The following KAT6A variants were observed in gnomAD, a reference collection of about 807,000 sequenced individuals.
The protein encoded by KAT6A is histone acetyltransferase KAT6A.
In KAT6A, 9 loss-of-function variants were observed where a neutral mutation model predicts 198.4. The ratio of observed to expected loss-of-function variants is 0.05; its 90% CI spans 0.03 to 0.08. The LOEUF (loss-of-function observed/expected upper bound fraction) is 0.08. KAT6A is among the 10% of genes least tolerant of loss of function. KAT6A has a pLI of 1.00. For missense variants in KAT6A, 2,077 were observed against 2,509.9 expected (o/e 0.83, Z 3.69); for synonymous variants, 890 against 883.0 (o/e 1.01, Z -0.14).
intron 6 of KAT6A, among the ~76,000 whole-genome samples, chr8:41,977,831 T>C (rs1824137257): frequency 6.6e-6 from 1 of 152,190 alleles, no homozygotes; most frequent in South Asian, 2.1e-4. Context: ...TGATTTAAGA[T>C]TTTGAATATA....
In KAT6A at chr8:41,985,704, A is replaced by G. The variant is rs182982357; in HGVS notation, c.709+1751T>C. ...GATGGGTCAGTTCTGCAGTGACCCC[A>G]GAGTCAGTCCTTAAAGCCCAACCTC... On this transcript the variant is annotated intron_variant, in intron 3 of 16. Coordinates refer to ENST00000265713, the MANE Select transcript of KAT6A (RefSeq NM_006766.5). Among the ~76,000 whole-genome samples the G allele has an allele frequency of 2.6e-5, 4 of 152,314 alleles. No homozygotes were observed. The East Asian group carries it at 7.7e-4, about 29-fold the overall frequency.
In KAT6A at chr8:41,931,322, A is replaced by G. The variant is rs1821531047; in HGVS notation, c.*883T>C. ...CAGGTGGTAAAAAAACAAGAGGTTAATCTCCTCTTTTTGATTGTTAATTGA... is the reference window on the plus strand; with the variant it reads ...CAGGTGGTAAAAAAACAAGAGGTTAGTCTCCTCTTTTTGATTGTTAATTGA... On this transcript the variant is annotated 3_prime_UTR_variant, in exon 17 of 17. Coordinates refer to ENST00000265713, the MANE Select transcript of KAT6A (RefSeq NM_006766.5). 4.6e-6 allele frequency: 1 copy of G among 218,588 alleles called. No individual in the cohort carries two copies. The highest frequency in any genetic ancestry group is 2.3e-5 in the African/African-American group (1 of 44,436). 13.5% of individuals were successfully genotyped at this position (218,588 alleles called of 1,614,324 possible).
rs1314482668 is a variant in KAT6A, at chr8:41,983,149, A to C, written c.710-1195T>G. Among the ~76,000 whole-genome samples the C allele has an allele frequency of 2.6e-5, 4 of 152,214 alleles. No homozygotes were observed. In the East Asian group the frequency reaches 7.7e-4, roughly 29 times the overall value. On this transcript the variant is annotated intron_variant, in intron 3 of 16. Transcript: ENST00000265713. ...TTATCAGTCTGATTCTCAAAAATTA[A>C]GGGTAGCCAATTTCCCCTCAACTGA...
intron 8 of KAT6A, among the ~76,000 whole-genome samples, chr8:41,964,844 C>A (rs1050092122): frequency 6.6e-6 from 1 of 152,162 alleles, no homozygotes; most frequent in Non-Finnish European, 1.5e-5. Flanking sequence ...AATGTGGTCT[C>A]TCTCAAAATA....
chr8:41,933,195 G>GGGT lies in KAT6A; in HGVS notation c.5022_5024dup (p.Pro1675dup), dbSNP rs758188280. ...GCGGCTGCTGTTGCGGCTGCTGCTG[G>GGGT]GGTGGTGGAGGCTGTGGTGCTGGTT... On this transcript the variant is annotated inframe_insertion, in exon 17 of 17. Coordinates refer to ENST00000265713, the MANE Select transcript of KAT6A (RefSeq NM_006766.5). The surrounding 1 kb of genome is among the most constrained non-coding windows in gnomAD (Gnocchi z 6.2). 4.4e-4 allele frequency: 691 copies of GGGT among 1,584,016 alleles called. 1 individual carries two copies. The highest frequency in any genetic ancestry group is 1.3e-3 in the Admixed American group (75 of 56,290).
At chr8:42,042,786 T>C (rs551103693) in intron 2 of KAT6A, among the ~76,000 whole-genome samples, 2 of 152,358 alleles carry the variant, frequency 1.3e-5, no homozygotes, top group South Asian at 2.1e-4. Context: ...CTTTTAATGA[T>C]CTGGCTGATT....
chr8:41,963,624 G>T (rs996954840), intron 8 of KAT6A, among the ~76,000 whole-genome samples: 1 of 152,082 alleles, frequency 6.6e-6, no homozygotes, highest in Non-Finnish European at 1.5e-5. Context: ...CATCTGACTG[G>T]TCCCTTGCTC....
At chr8:41,946,521 C>T in intron 12 of KAT6A, 70 bp downstream of exon 12, 4 of 764,612 alleles carry the variant, frequency 5.2e-6, no homozygotes, top group South Asian at 1.4e-5. Context: ...CACACACACA[C>T]ACACACACAC....
intron 2 of KAT6A, among the ~76,000 whole-genome samples, chr8:42,032,122 G>C (rs1827161576): frequency 6.6e-6 from 1 of 152,092 alleles, no homozygotes; most frequent in African/African-American, 2.4e-5. Context: ...GTAGAGACAG[G>C]GTTTTGCCGT....
intron 8 of KAT6A, among the ~76,000 whole-genome samples, chr8:41,968,493 G>A (rs1007897692): frequency 6.6e-6 from 1 of 152,170 alleles, no homozygotes; most frequent in Non-Finnish European, 1.5e-5. Context: ...TGGAGAGGAT[G>A]TGGAGAAATA....
intron 11 of KAT6A, among the ~76,000 whole-genome samples, chr8:41,947,234 C>T (rs1413831561): frequency 6.6e-6 from 1 of 152,188 alleles, no homozygotes; most frequent in Non-Finnish European, 1.5e-5. Flanking sequence ...AAAGCTAGTA[C>T]TTCCCCTAAC....
At position 41,955,317 on chromosome 8, in the gene KAT6A, G is replaced by A; in HGVS notation, c.1577C>T (p.Pro526Leu). 6.2e-7 allele frequency: 1 copy of A among 1,606,328 alleles called. No homozygotes were observed. The highest frequency in any genetic ancestry group is 8.5e-7 in the Non-Finnish European group (1 of 1,172,960). Reference protein sequence around the residue: ...KYEIHTWYSSPYPQEYSRLPK... With the variant: ...KYEIHTWYSSLYPQEYSRLPK... Reference sequence around the variant, plus strand: ...ATACCTTGAGTATTCTTGAGGATATGGGGAGGAGTACCAGGTGTGAATTTC... The same window carrying A: ...ATACCTTGAGTATTCTTGAGGATATAGGGAGGAGTACCAGGTGTGAATTTC... The change falls in exon 9 of 17, where the codon CCA (proline) becomes CTA (leucine). Residue 526 changes from proline (P) to leucine (L), a missense_variant. Coordinates refer to ENST00000265713, the MANE Select transcript of KAT6A (RefSeq NM_006766.5).
At chr8:41,983,288 T>C (rs573114720) in intron 3 of KAT6A, among the ~76,000 whole-genome samples, 11 of 152,184 alleles carry the variant, frequency 7.2e-5, no homozygotes, top group Non-Finnish European at 1.6e-4. Context: ...TTCTCTTTTA[T>C]GAGATAGCAA....
intron 4 of KAT6A, 26 bp from the exon 5 acceptor site, chr8:41,980,953 T>C: frequency 6.8e-7 from 1 of 1,476,126 alleles, no homozygotes; most frequent in Non-Finnish European, 9.5e-7. Flanking sequence ...AAGGACAGTT[T>C]TGCTTAACCT....
intron 9 of KAT6A, among the ~76,000 whole-genome samples, chr8:41,952,147 ATAATT>A (rs1243544977): frequency 6.6e-6 from 1 of 152,222 alleles, no homozygotes; most frequent in Non-Finnish European, 1.5e-5. Flanking sequence ...ATTTTACTCA[ATAATT>A]TAATAGCCAA....
At chr8:42,009,922 AAAC>A (rs1264662934) in intron 2 of KAT6A, among the ~76,000 whole-genome samples, 4 of 149,902 alleles carry the variant, frequency 2.7e-5, no homozygotes, top group African/African-American at 9.9e-5. Flanking sequence ...AAACAAAAAA[AAAC>A]AAAACCACAA....
chr8:42,023,495 C>CTTT (rs34548516), intron 2 of KAT6A, among the ~76,000 whole-genome samples: 2 of 149,704 alleles, frequency 1.3e-5, no homozygotes, highest in Admixed American at 1.3e-4. Context: ...AATATATTTA[C>CTTT]TTTTTTTTTT....
chr8:41,957,232 A>G, intron 8 of KAT6A: 2 of 575,036 alleles, frequency 3.5e-6, no homozygotes, highest in South Asian at 2.8e-5. Context: ...ACCCGCCTTT[A>G]ACCTTTGCAC....
At chr8:41,944,765 C>T (rs1259468742) in intron 12 of KAT6A, among the ~76,000 whole-genome samples, 2 of 152,198 alleles carry the variant, frequency 1.3e-5, no homozygotes, top group African/African-American at 2.4e-5. Context: ...TTTTCCCTAA[C>T]TTTGCAATTT....
Sources: allele counts gnomAD v4.1 joint callset (sites outside exome capture counted in the v4.1 genomes callset), GRCh38; gene constraint gnomAD v4.1.1; non-coding constraint Gnocchi (gnomAD v3.1); transcripts MANE v1.5; gene names NCBI Gene and HGNC (gene_info 2026-07-23, HGNC 2026-07-21).